WWOX: variants seen among roughly 807,000 people sequenced by gnomAD.
The protein encoded by WWOX is WW domain containing oxidoreductase.
A neutral mutation model predicts 46.2 loss-of-function variants in WWOX; 69 were observed. The ratio of observed to expected loss-of-function variants is 1.49; its 90% CI spans 1.23 to 1.82. The LOEUF is 1.82. Among genes scored for constraint, WWOX ranks in the 40% most tolerant of loss-of-function variants. The probability of loss-of-function intolerance (pLI) is 0.00; values close to 1 mark genes in which losing one functional copy is unlikely to be tolerated. For synonymous variants in WWOX, 359 were observed against 202.6 expected (o/e 1.77, Z -6.56); for missense variants, 919 against 542.6 (o/e 1.69, Z -6.89).
At chr16:78,101,673 A>G (rs2031802043) in intron 1 of WWOX, among the ~76,000 whole-genome samples, 1 of 151,808 alleles carries the variant, frequency 6.6e-6, no homozygotes, top group Admixed American at 6.6e-5. Context: ...GGTAGGTTGT[A>G]AAATCTTCCC....
intron 8 of WWOX, among the ~76,000 whole-genome samples, chr16:79,037,871 A>C (rs1235838489): frequency 6.6e-6 from 1 of 151,924 alleles, no homozygotes; most frequent in Admixed American, 6.6e-5. Context: ...TGGGTGGCCG[A>C]CTGTGCCAGT....
chr16:78,801,765 A>T (rs1018977026), intron 8 of WWOX, among the ~76,000 whole-genome samples: 2 of 152,206 alleles, frequency 1.3e-5, no homozygotes, highest in African/African-American at 4.8e-5. Context: ...GATTGATGAC[A>T]TTTCAGTTTC....
At chr16:78,943,199 G>C (rs1327631722) in intron 8 of WWOX, among the ~76,000 whole-genome samples, 3 of 152,076 alleles carry the variant, frequency 2.0e-5, no homozygotes, top group Non-Finnish European at 4.4e-5. Context: ...ATTTCATTTT[G>C]CACTTTACAA....
chr16:78,886,639 C>CGT, intron 8 of WWOX, among the ~76,000 whole-genome samples: 1 of 144,842 alleles, frequency 6.9e-6, no homozygotes, highest in Non-Finnish European at 1.5e-5. Flanking sequence ...CAAAGAAAAA[C>CGT]ATATATATAT....
intron 8 of WWOX, among the ~76,000 whole-genome samples, chr16:78,641,100 G>C (rs2046697291): frequency 6.6e-6 from 1 of 152,152 alleles, no homozygotes; most frequent in Non-Finnish European, 1.5e-5. Flanking sequence ...GGGTTTGGGA[G>C]AGAAGCAGGC....
chr16:78,897,916 G>T (rs1055761578), intron 8 of WWOX: 1 of 151,968 alleles, frequency 6.6e-6, no homozygotes, highest in African/African-American at 2.4e-5. Flanking sequence ...TTTTCCTAGT[G>T]ACTAATGCCT....
intron 8 of WWOX, among the ~76,000 whole-genome samples, chr16:78,538,595 G>T (rs1046708630): frequency 2.6e-5 from 4 of 152,188 alleles, no homozygotes; most frequent in Admixed American, 1.3e-4. Flanking sequence ...TGAGAGAATT[G>T]CTCAAGCTGC....
chr16:78,474,965 TTTAA>T (rs2084320101), intron 8 of WWOX, among the ~76,000 whole-genome samples: 1 of 152,206 alleles, frequency 6.6e-6, no homozygotes, highest in African/African-American at 2.4e-5. Context: ...TACAAAAATA[TTTAA>T]TTTATTTAGG....
chr16:78,621,542 C>T (rs1047772324), intron 8 of WWOX, among the ~76,000 whole-genome samples: 1 of 146,588 alleles, frequency 6.8e-6, no homozygotes, highest in Non-Finnish European at 1.5e-5. Context: ...CTTTTATTGG[C>T]CAGTATATTC....
At chr16:78,334,441 A>G (rs939886160) in intron 5 of WWOX, among the ~76,000 whole-genome samples, 2 of 152,236 alleles carry the variant, frequency 1.3e-5, no homozygotes, top group Admixed American at 1.3e-4. Context: ...GCTATGAGTG[A>G]ACCATTAAAG....
At position 78,386,765 on chromosome 16, in the gene WWOX, A is replaced by G; in HGVS notation, c.517-95A>G. ...TGGGCGTCTTATATTAAACAGGGGAATTCCGACATGTTCCATAACACATTT... is the reference window on the plus strand; with the variant it reads ...TGGGCGTCTTATATTAAACAGGGGAGTTCCGACATGTTCCATAACACATTT... On this transcript the variant is annotated intron_variant, in intron 5 of 8. Coordinates refer to ENST00000566780, the MANE Select transcript of WWOX (RefSeq NM_016373.4). 3 of 1,121,550 alleles carry G rather than the reference A, an allele frequency of 2.7e-6. No individual in the cohort carries two copies. The South Asian group carries it at 3.8e-5, about 14-fold the overall frequency. The allele number at this position is 1,121,550 out of a possible 1,614,324, so 69.5% of individuals were successfully genotyped here.
intron 8 of WWOX, among the ~76,000 whole-genome samples, chr16:78,774,743 T>TG (rs1161703824): frequency 6.6e-6 from 1 of 151,998 alleles, no homozygotes; most frequent in Non-Finnish European, 1.5e-5. Context: ...TACACACACA[T>TG]GGGCACATAT....
intron 8 of WWOX, among the ~76,000 whole-genome samples, chr16:79,034,062 A>C (rs1042568635): frequency 7.2e-5 from 11 of 152,194 alleles, no homozygotes; most frequent in Non-Finnish European, 1.5e-5. Context: ...GGCTGTGCCC[A>C]CGTGGTCTGT....
At chr16:78,558,170 A>G (rs1215173860) in intron 8 of WWOX, among the ~76,000 whole-genome samples, 1 of 151,948 alleles carries the variant, frequency 6.6e-6, no homozygotes, top group African/African-American at 2.4e-5. Flanking sequence ...TGCTGCCACC[A>G]CCGCCTTCCC....
intron 4 of WWOX, among the ~76,000 whole-genome samples, chr16:78,149,256 A>G (rs886381190): frequency 3.9e-5 from 6 of 152,228 alleles, no homozygotes; most frequent in African/African-American, 1.4e-4. Context: ...TGTAACGGTC[A>G]TGGTGTAAAG....
At chr16:78,978,289 T>C (rs2046612877) in intron 8 of WWOX, among the ~76,000 whole-genome samples, 1 of 152,244 alleles carries the variant, frequency 6.6e-6, no homozygotes, top group African/African-American at 2.4e-5. Context: ...TGTGAATCCA[T>C]GCTGCTGTGA....
At chr16:78,892,359 G>C (rs1282906489) in intron 8 of WWOX, 1 of 152,196 alleles carries the variant, frequency 6.6e-6, no homozygotes, top group East Asian at 1.9e-4. Context: ...CTGGACTCTG[G>C]GGTCACAGGA....
rs116810607 is a variant in WWOX at position 78,942,039 on chromosome 16, C to T, written c.1057-269569C>T. Among the ~76,000 whole-genome samples, 557 of 152,250 alleles carry T rather than the reference C, an allele frequency of 3.7e-3. 7 individuals carry two copies. Among genetic ancestry groups the T allele is most frequent in the African/African-American group, 0.013 (522 of 41,528 alleles). On this transcript the variant is annotated intron_variant, in intron 8 of 8. Transcript: ENST00000566780. ...AGCATTTCTTTCCCACTCTCTACCT[C>T]GCCTGGTCTAGCCGCTGATAGGTAG...
At chr16:79,184,169 A>G (rs1268997733) in intron 8 of WWOX, among the ~76,000 whole-genome samples, 2 of 152,242 alleles carry the variant, frequency 1.3e-5, no homozygotes, top group Non-Finnish European at 2.9e-5. Flanking sequence ...CCAAATGCTC[A>G]GAACTGTTGA....
Sources: gnomAD v4.1 joint callset for allele counts (sites outside exome capture counted in the v4.1 genomes callset) on GRCh38, gnomAD v4.1.1 for gene constraint, MANE v1.5 for transcripts, NCBI Gene and HGNC (gene_info 2026-07-23, HGNC 2026-07-21) for gene names.